Variants in INPP4B observed in about 807,000 individuals in gnomAD.
The protein encoded by INPP4B is inositol polyphosphate 4-phosphatase type II.
A neutral mutation model predicts 122.5 loss-of-function variants in INPP4B; 55 were observed. That is an observed-to-expected ratio of 0.45 (90% CI 0.36 to 0.56). The LOEUF is 0.56. Ranked by LOEUF, INPP4B falls within the 20% of genes least tolerant of loss-of-function variation. The pLI is 0.00. For missense variants in INPP4B, 1,000 were observed against 1,097.7 expected (o/e 0.91, Z 1.26); for synonymous variants, 403 against 388.7 (o/e 1.04, Z -0.43).
chr4:142,171,689 T>C (rs1237746547), intron 16 of INPP4B, among the ~76,000 whole-genome samples: 1 of 151,826 alleles, frequency 6.6e-6, no homozygotes, highest in Non-Finnish European at 1.5e-5. Context: ...CTTGCAAACT[T>C]AACTTAAAAA....
At chr4:142,173,453 A>G (rs1826526780) in intron 16 of INPP4B, among the ~76,000 whole-genome samples, 179 bp downstream of exon 16, 1 of 151,672 alleles carries the variant, frequency 6.6e-6, no homozygotes, top group African/African-American at 2.4e-5. Flanking sequence ...GCTCAGTAAG[A>G]TTTGAACAGA....
At chr4:142,725,205 GAAC>G (rs906438917) in intron 2 of INPP4B, among the ~76,000 whole-genome samples, 4 of 151,982 alleles carry the variant, frequency 2.6e-5, no homozygotes, top group Admixed American at 1.3e-4. Flanking sequence ...CATATTCTTA[GAAC>G]AACATATGTA....
At chr4:142,523,372 AAG>A (rs1826361321) in intron 2 of INPP4B, among the ~76,000 whole-genome samples, 2 of 152,134 alleles carry the variant, frequency 1.3e-5, no homozygotes, top group African/African-American at 4.8e-5. Context: ...AACATGATGT[AAG>A]AGGATTATCA....
intron 2 of INPP4B, among the ~76,000 whole-genome samples, chr4:142,575,908 C>T (rs1030806839): frequency 6.6e-6 from 1 of 152,036 alleles, no homozygotes; most frequent in African/African-American, 2.4e-5. Context: ...ACTCAAGGTT[C>T]TGTGTGCAAA....
chr4:142,420,758 C>T (rs1041092892), intron 5 of INPP4B, among the ~76,000 whole-genome samples: 11 of 152,046 alleles, frequency 7.2e-5, no homozygotes, highest in African/African-American at 2.7e-4. Context: ...TGGGAGGCAA[C>T]TGTTGAGCCT....
intron 2 of INPP4B, among the ~76,000 whole-genome samples, chr4:142,605,292 T>C (rs1560855847): frequency 6.6e-6 from 1 of 151,796 alleles, no homozygotes; most frequent in Non-Finnish European, 1.5e-5. Context: ...AGAAGACATG[T>C]AACTGTAAAA....
chr4:142,371,888 A>C (rs1224252594), intron 7 of INPP4B, among the ~76,000 whole-genome samples: 1 of 151,984 alleles, frequency 6.6e-6, no homozygotes, highest in Non-Finnish European at 1.5e-5. Context: ...TCAAAAAAAA[A>C]AAAACTAAAA....
rs79320082 is a variant in INPP4B, at chr4:142,113,938, C to T, written c.2136-1256G>A. ...CATTTCCATCAACTTAAAAAGATTCCTTGTGCCTGTTTATAGTCAGCTATA... is the reference window on the plus strand; with the variant it reads ...CATTTCCATCAACTTAAAAAGATTCTTTGTGCCTGTTTATAGTCAGCTATA... On this transcript the variant is annotated intron_variant, in intron 21 of 25. Transcript: ENST00000262992. Among the ~76,000 whole-genome samples, 871 of 152,026 alleles carry T rather than the reference C, an allele frequency of 5.7e-3. 13 individuals carry two copies. Among genetic ancestry groups the T allele is most frequent in the African/African-American group, 0.02 (830 of 41,490 alleles).
Position 142,431,352 on chromosome 4 carries a change from T to G in INPP4B, c.-93A>C. On this transcript the variant is annotated 5_prime_UTR_variant, in exon 4 of 26. Transcript: ENST00000262992. ...GTTTAATGTAGATGTATCTTCACACTAAAGATCTGATATCCCACTCTGAAA... is the reference window on the plus strand; with the variant it reads ...GTTTAATGTAGATGTATCTTCACACGAAAGATCTGATATCCCACTCTGAAA... The G allele has an allele frequency of 1.2e-6, 1 of 844,780 alleles. No homozygotes were observed. Among genetic ancestry groups the G allele is most frequent in the Admixed American group, 2.1e-5 (1 of 48,226 alleles). 52.3% of individuals were successfully genotyped at this position (844,780 alleles called of 1,614,324 possible). A position where few individuals can be genotyped will look rare whatever the true frequency, so the allele number is the denominator to read the frequency against.
chr4:142,775,793 A>T (rs1481087203), intron 1 of INPP4B, among the ~76,000 whole-genome samples: 1 of 152,188 alleles, frequency 6.6e-6, no homozygotes, highest in Non-Finnish European at 1.5e-5. Flanking sequence ...TATGTTATTT[A>T]GGAAGGAAGC....
chr4:142,213,992 A>G (rs1484762792), intron 12 of INPP4B, among the ~76,000 whole-genome samples: 1 of 152,238 alleles, frequency 6.6e-6, no homozygotes, highest in Admixed American at 6.5e-5. Flanking sequence ...ATGGTCATAC[A>G]TTGTGGATCT....
chr4:142,191,813 A>C (rs536375973), intron 15 of INPP4B, among the ~76,000 whole-genome samples: 1 of 152,190 alleles, frequency 6.6e-6, no homozygotes, highest in Non-Finnish European at 1.5e-5. Flanking sequence ...AAAATGAACA[A>C]AAAACTAGAA....
chr4:142,460,950 G>T (rs1177675726), intron 3 of INPP4B, among the ~76,000 whole-genome samples: 1 of 152,060 alleles, frequency 6.6e-6, no homozygotes, highest in Non-Finnish European at 1.5e-5. Flanking sequence ...AGGCCAAGAT[G>T]GGTGGATCAT....
intron 1 of INPP4B, among the ~76,000 whole-genome samples, chr4:142,747,404 T>A (rs1277058434): frequency 1.3e-5 from 2 of 152,084 alleles, no homozygotes; most frequent in Admixed American, 6.6e-5. Flanking sequence ...AAAATAGGAA[T>A]GCTTTTACGC....
intron 1 of INPP4B, among the ~76,000 whole-genome samples, chr4:142,797,992 C>A (rs950884137): frequency 6.6e-6 from 1 of 151,756 alleles, no homozygotes. Context: ...ATCACTTATG[C>A]AGAAAGCCTA....
intron 1 of INPP4B, among the ~76,000 whole-genome samples, chr4:142,728,072 T>C (rs1433152924): frequency 1.3e-5 from 2 of 152,124 alleles, no homozygotes; most frequent in African/African-American, 4.8e-5. Context: ...GAAGTCCACA[T>C]TAACGTAAGG....
chr4:142,516,405 T>G (rs2149893855), intron 2 of INPP4B, among the ~76,000 whole-genome samples: 1 of 152,166 alleles, frequency 6.6e-6, no homozygotes, highest in Non-Finnish European at 1.5e-5. Flanking sequence ...GTTCAAGTAT[T>G]TATACACATA....
chr4:142,769,133 G>A (rs921752051), intron 1 of INPP4B, among the ~76,000 whole-genome samples: 3 of 152,184 alleles, frequency 2.0e-5, no homozygotes, highest in African/African-American at 7.2e-5. Flanking sequence ...AGGTTTCTGT[G>A]TTAAGTGGTT....
intron 7 of INPP4B, chr4:142,317,417 T>A: frequency 3.2e-6 from 1 of 314,326 alleles, no homozygotes. Flanking sequence ...TAGAAGAAAC[T>A]GTGGCTACTA....
Sources: gnomAD v4.1 joint callset for allele counts (sites outside exome capture counted in the v4.1 genomes callset) on GRCh38, gnomAD v4.1.1 for gene constraint, MANE v1.5 for transcripts, NCBI Gene and HGNC (gene_info 2026-07-23, HGNC 2026-07-21) for gene names.